CELSR3: variants seen among roughly 807,000 people sequenced by gnomAD.
CELSR3 encodes cadherin EGF LAG seven-pass G-type receptor 3.
Under a neutral mutation model 270.0 loss-of-function variants are expected in CELSR3, and 73 were observed. The ratio of observed to expected loss-of-function variants is 0.27; its 90% CI spans 0.22 to 0.33. The LOEUF (loss-of-function observed/expected upper bound fraction) is 0.33, where lower values mean the gene tolerates loss of function less well. Ranked by LOEUF, CELSR3 falls within the 10% of genes least tolerant of loss-of-function variation. The pLI is 1.00. For missense variants in CELSR3, 3,614 were observed against 4,533.8 expected, an observed-to-expected ratio of 0.80 and a Z score of 5.83; for synonymous variants, 1,780 against 1,905.4, an observed-to-expected ratio of 0.93 and a Z score of 1.71.
In CELSR3 at chr3:48,645,424, C is replaced by T; in HGVS notation, c.7797+19G>A. 6.2e-7 allele frequency: 1 copy of T among 1,612,658 alleles called. No individual in the cohort carries two copies. The highest frequency in any genetic ancestry group is 8.5e-7 in the Non-Finnish European group (1 of 1,179,764). On this transcript the variant is annotated intron_variant, in intron 24 of 34. Transcript: ENST00000164024. This position sits in a 1 kb window ranked among gnomAD's most constrained non-coding sequence, Gnocchi z 5.4. The stretch of plus-strand genomic sequence containing the variant: ...AGTAGGGTCATCAGGACACAAGTTC[C>T]CTGGCCCTGATCCTGCACCTGATTG...
In CELSR3 at chr3:48,645,352, C is replaced by G; in HGVS notation, c.7797+91G>C. On this transcript the variant is annotated intron_variant, in intron 24 of 34. Transcript: ENST00000164024. The surrounding 1 kb of genome is among the most constrained non-coding windows in gnomAD (Gnocchi z 5.4). Reference sequence around the variant, plus strand: ...CTGAAAACCCTGGCCCCAACCTGAGCATCCCTGACCTCTGACCCTGAGTTT... The same window carrying G: ...CTGAAAACCCTGGCCCCAACCTGAGGATCCCTGACCTCTGACCCTGAGTTT... The G allele has an allele frequency of 6.4e-7, 1 of 1,572,450 alleles. No homozygotes were observed. The highest frequency in any genetic ancestry group is 8.7e-7 in the Non-Finnish European group (1 of 1,147,208).
In CELSR3 at chr3:48,639,806, G is replaced by A. The variant is rs931538196; in HGVS notation, c.9779C>T (p.Ser3260Phe). The stretch of plus-strand genomic sequence containing the variant: ...CAAGGGTGTGCTTGAAGATTGCACA[G>A]AGGAGAGGGCCGAGGAGTTGAAAGA... ...LASFNSSALS[S>F]VQSSSTPLGP... The change falls in exon 34 of 35, where the codon TCT (serine) becomes TTT (phenylalanine). Residue 3260 changes from serine to phenylalanine, a missense_variant. Physicochemically the swap from Ser to Phe is radical, Grantham distance 155. Around this residue, in one of 7 missense-constraint regions of CELSR3, gnomAD observed 1,240 missense variants for 1,351.7 expected, o/e 0.92. Coordinates refer to ENST00000164024, the MANE Select transcript of CELSR3 (RefSeq NM_001407.3). This position sits in a 1 kb window ranked among gnomAD's most constrained non-coding sequence, Gnocchi z 4.1. The A allele has an allele frequency of 3.1e-6, 5 of 1,613,854 alleles. No homozygotes were observed. The highest frequency in any genetic ancestry group is 4.2e-6 in the Non-Finnish European group (5 of 1,180,038).
Position 48,637,914 on chromosome 3 carries a change from G to C in CELSR3, c.*291C>G. ...CTATCTCCCTCCCCCTCCCAGCCCA[G>C]CCTCAAACCCCCCAGGAGACAGAAA... On this transcript the variant is annotated 3_prime_UTR_variant, in exon 35 of 35. Coordinates refer to ENST00000164024, the MANE Select transcript of CELSR3 (RefSeq NM_001407.3). 1 of 352,378 alleles carries C rather than the reference G, an allele frequency of 2.8e-6. No individual in the cohort carries two copies. Among genetic ancestry groups the C allele is most frequent in the Non-Finnish European group, 5.3e-6 (1 of 189,802 alleles). 21.8% of individuals were successfully genotyped at this position (352,378 alleles called of 1,614,324 possible). A position where few individuals can be genotyped will look rare whatever the true frequency, so the allele number is the denominator to read the frequency against.
In CELSR3 at chr3:48,654,964, G is replaced by C. The variant is rs1383371054; in HGVS notation, c.4988+80C>G. 1.4e-6 allele frequency: 2 copies of C among 1,381,436 alleles called. No individual in the cohort carries two copies. The highest frequency in any genetic ancestry group is 2.1e-6 in the Non-Finnish European group (2 of 972,344). 85.6% of individuals were successfully genotyped at this position (1,381,436 alleles called of 1,614,324 possible). A position where few individuals can be genotyped will look rare whatever the true frequency, so the allele number is the denominator to read the frequency against. Reference sequence around the variant, plus strand: ...GAAAGATGGGAGAGTTTGGCAGGATGGGATGAGGAATGGGATGTGAAGGGT... The same window carrying C: ...GAAAGATGGGAGAGTTTGGCAGGATCGGATGAGGAATGGGATGTGAAGGGT... On this transcript the variant is annotated intron_variant, in intron 6 of 34. Coordinates refer to ENST00000164024, the MANE Select transcript of CELSR3 (RefSeq NM_001407.3). This position sits in a 1 kb window ranked among gnomAD's most constrained non-coding sequence, Gnocchi z 5.4.
Position 48,653,511 on chromosome 3 carries a change from C to T in CELSR3, c.5448+108G>A. 7.4e-7 allele frequency: 1 copy of T among 1,344,282 alleles called. No individual in the cohort carries two copies. The highest frequency in any genetic ancestry group is 1.0e-6 in the Non-Finnish European group (1 of 962,634). 83.3% of individuals were successfully genotyped at this position (1,344,282 alleles called of 1,614,324 possible). ...AGAGCAGGGTCAAGTGTGGTTGGGA[C>T]ACCTGGCAGAAAAGTATGCTGTGTG... On this transcript the variant is annotated intron_variant, in intron 9 of 34. Transcript: ENST00000164024. The surrounding 1 kb of genome is among the most constrained non-coding windows in gnomAD (Gnocchi z 6.5).
In CELSR3 at chr3:48,661,423, G is replaced by A. The variant is rs746009642; in HGVS notation, c.1212C>T (p.Thr404=). The change falls in exon 1 of 35, where the codon ACC becomes ACT. Residue 404 remains threonine, a synonymous_variant. Coordinates refer to ENST00000164024, the MANE Select transcript of CELSR3 (RefSeq NM_001407.3). ...ESMERHYLRV[T]AQDHGSPRLS... ...GGCGCGGCGACCCGTGGTCCTGCGC[G>A]GTCACACGCAGGTAGTGACGCTCCA... 6.2e-7 allele frequency: 1 copy of A among 1,611,840 alleles called. No homozygotes were observed. The highest frequency in any genetic ancestry group is 1.1e-5 in the South Asian group (1 of 91,028).
intron 20 of CELSR3, 104 bp from the exon 21 acceptor site, chr3:48,647,032 A>G: frequency 8.6e-7 from 1 of 1,166,232 alleles, no homozygotes; most frequent in Non-Finnish European, 1.2e-6. Context: ...TCCCTGCAGG[A>G]GCAGAATTGG....
rs760093611 is a variant in CELSR3 at position 48,648,741 on chromosome 3, G to A, written c.6755C>T (p.Thr2252Ile). The A allele has an allele frequency of 6.2e-7, 1 of 1,612,208 alleles. No individual in the cohort carries two copies. The highest frequency in any genetic ancestry group is 1.1e-5 in the South Asian group (1 of 91,066). The change falls in exon 18 of 35, where the codon ACA (threonine) becomes ATA (isoleucine). Residue 2252 changes from threonine to isoleucine, a missense_variant. By Grantham distance (89) the Thr-to-Ile change is moderately conservative. Around this residue, in one of 7 missense-constraint regions of CELSR3, gnomAD observed 1,331 missense variants for 1,933.7 expected, o/e 0.69. Coordinates refer to ENST00000164024, the MANE Select transcript of CELSR3 (RefSeq NM_001407.3). ...SHQQGFGLTATQDAHFNENLL... is the reference protein window; with the variant it reads ...SHQQGFGLTAIQDAHFNENLL... ...CACCTCATTGAAGTGGGCATCCTGTGTGGCTGTCAGCCCGAAGCCCTGCTG... is the reference window on the plus strand; with the variant it reads ...CACCTCATTGAAGTGGGCATCCTGTATGGCTGTCAGCCCGAAGCCCTGCTG...
chr3:48,662,527 G>A lies in CELSR3; in HGVS notation c.108C>T (p.Gly36=), dbSNP rs1292926570. The stretch of plus-strand genomic sequence containing the variant: ...CTGGGTCCCAGCCCTGGTGCCCACC[G>A]CCCCCCAGCTCCTCCTGGCTGAGGG... ...LFPLSQEELG[G]GGHQGWDPGL... is the part of the protein sequence containing the mutation. The change falls in exon 1 of 35, where the codon GGC becomes GGT. Residue 36 remains glycine (G), a synonymous_variant. Transcript: ENST00000164024. This position sits in a 1 kb window ranked among gnomAD's most constrained non-coding sequence, Gnocchi z 7.1. 6.2e-7 allele frequency: 1 copy of A among 1,606,602 alleles called. No individual in the cohort carries two copies. Among genetic ancestry groups the A allele is most frequent in the East Asian group, 2.2e-5 (1 of 44,784 alleles).
In CELSR3 at chr3:48,661,813, C is replaced by G; in HGVS notation, c.822G>C (p.Lys274Asn). 2 of 1,609,326 alleles carry G rather than the reference C, an allele frequency of 1.2e-6. No homozygotes were observed. Among genetic ancestry groups the G allele is most frequent in the Non-Finnish European group, 1.7e-6 (2 of 1,179,424 alleles). Residue 274 changes from lysine to asparagine, a missense_variant, in exon 1 of 35, where the codon AAG (lysine) becomes AAC (asparagine). Around this residue, in one of 7 missense-constraint regions of CELSR3, gnomAD observed 470 missense variants for 469.7 expected, o/e 1.00. Transcript: ENST00000164024. Reference sequence around the variant, plus strand: ...GGAAGAGACCCCGGGAGCGCATGCGCTTGGGCGCCGGCTCGGGAGCTGTCC... The same window carrying G: ...GGAAGAGACCCCGGGAGCGCATGCGGTTGGGCGCCGGCTCGGGAGCTGTCC... ...ESRTAPEPAPKRMRSRGLFRC... is the reference protein window; with the variant it reads ...ESRTAPEPAPNRMRSRGLFRC...
intron 19 of CELSR3, 28 bp downstream of exon 19, chr3:48,648,238 G>GCCCCCCCCCCCCC: frequency 6.0e-6 from 8 of 1,342,614 alleles, no homozygotes; most frequent in East Asian, 2.3e-5. Context: ...CCCCTGCTGT[G>GCCCCCCCCCCCCC]CCCCGCCCTA....
chr3:48,646,477 C>T lies in CELSR3; in HGVS notation c.7296-220G>A, dbSNP rs1320478840. ...CTGTTTGCCTCTGATTGCCCTCCCT[C>T]CTACCCCCATCAGTCAGCCTGTCCT... On this transcript the variant is annotated intron_variant, in intron 21 of 34. Coordinates refer to ENST00000164024, the MANE Select transcript of CELSR3 (RefSeq NM_001407.3). This position sits in a 1 kb window ranked among gnomAD's most constrained non-coding sequence, Gnocchi z 4.8. Among the ~76,000 whole-genome samples, 1 of 152,230 alleles carries T rather than the reference C, an allele frequency of 6.6e-6. No individual in the cohort carries two copies. Among genetic ancestry groups the T allele is most frequent in the Non-Finnish European group, 1.5e-5 (1 of 68,036 alleles).
At position 48,651,302 on chromosome 3, in the gene CELSR3, G is replaced by C. The variant is rs1260306019; in HGVS notation, c.6186+57C>G. 1.0e-5 allele frequency: 16 copies of C among 1,603,308 alleles called. No individual in the cohort carries two copies. In the South Asian group the frequency reaches 1.4e-4, roughly 14 times the overall value. ...TCAGGTGGCGGAGGTCAGCAAGCTG[G>C]ACAGGAATTGCAGATTGCGTCCAAG... On this transcript the variant is annotated intron_variant, in intron 14 of 34. Transcript: ENST00000164024. The surrounding 1 kb of genome is among the most constrained non-coding windows in gnomAD (Gnocchi z 7.4).
chr3:48,640,678 G>A lies in CELSR3; in HGVS notation c.9026-119C>T. 1.7e-6 allele frequency: 2 copies of A among 1,173,702 alleles called. No homozygotes were observed. Among genetic ancestry groups the A allele is most frequent in the South Asian group, 1.6e-5 (1 of 62,458 alleles). 72.7% of individuals were successfully genotyped at this position (1,173,702 alleles called of 1,614,324 possible). A position where few individuals can be genotyped will look rare whatever the true frequency, so the allele number is the denominator to read the frequency against. ...CCTTCCAACACAGGGATGGGAGCAG[G>A]AACCCCTTGGGGAGCAGCAGAGGCA... On this transcript the variant is annotated intron_variant, in intron 33 of 34. Coordinates refer to ENST00000164024, the MANE Select transcript of CELSR3 (RefSeq NM_001407.3). The surrounding 1 kb of genome is among the most constrained non-coding windows in gnomAD (Gnocchi z 7.5).
At position 48,642,431 on chromosome 3, in the gene CELSR3, G is replaced by C. The variant is rs1444253331; in HGVS notation, c.8592C>G (p.Asp2864Glu). 2.5e-6 allele frequency: 4 copies of C among 1,613,222 alleles called. No homozygotes were observed. Among genetic ancestry groups the C allele is most frequent in the Non-Finnish European group, 3.4e-6 (4 of 1,179,926 alleles). ...GAGCCTGGAGGCTGTGGTCAGTGTG[G>C]TCAGCGGCTGAGCCATGTCGAACCA... ...NVLVRHGSAADHTDHSLQAHA... is the reference protein window; with the variant it reads ...NVLVRHGSAAEHTDHSLQAHA... Residue 2864 changes from aspartate (D) to glutamate (E), a missense_variant, in exon 31 of 35, where the codon GAC becomes GAG. Coordinates refer to ENST00000164024, the MANE Select transcript of CELSR3 (RefSeq NM_001407.3). This position sits in a 1 kb window ranked among gnomAD's most constrained non-coding sequence, Gnocchi z 6.1.
Position 48,646,313 on chromosome 3 carries a change from C to A in CELSR3, c.7296-56G>T. The A allele has an allele frequency of 6.5e-7, 1 of 1,537,124 alleles. No homozygotes were observed. The highest frequency in any genetic ancestry group is 8.8e-7 in the Non-Finnish European group (1 of 1,133,640). ...TGCTGACCTCCCCATGCTCAGCCTG[C>A]TTGCCTCACCCCGTCTTCATGCCAC... On this transcript the variant is annotated intron_variant, in intron 21 of 34. Coordinates refer to ENST00000164024, the MANE Select transcript of CELSR3 (RefSeq NM_001407.3). The surrounding 1 kb of genome is among the most constrained non-coding windows in gnomAD (Gnocchi z 4.8).
In CELSR3 at chr3:48,659,158, C is replaced by G; in HGVS notation, c.3477G>C (p.Leu1159=). 1 of 1,614,196 alleles carries G rather than the reference C, an allele frequency of 6.2e-7. No individual in the cohort carries two copies. The highest frequency in any genetic ancestry group is 8.5e-7 in the Non-Finnish European group (1 of 1,180,028). The change falls in exon 1 of 35, where the codon CTG becomes CTC. Residue 1159 remains leucine, a synonymous_variant. Transcript: ENST00000164024. The surrounding 1 kb of genome is among the most constrained non-coding windows in gnomAD (Gnocchi z 8.1). ...LVSRATVHVR[L]VDQNDNSPVL... ...CAGGGCTGTTGTCATTCTGGTCAAC[C>G]AGGCGGACGTGCACAGTGGCCCGGC...
chr3:48,645,447 T>C lies in CELSR3; in HGVS notation c.7793A>G (p.Asn2598Ser), dbSNP rs1575539915. Residue 2598 changes from asparagine (N) to serine (S), a missense_variant, in exon 24 of 35, where the codon AAT becomes AGT. Physicochemically the swap from Asn to Ser is conservative, Grantham distance 46 (BLOSUM62 1). Coordinates refer to ENST00000164024, the MANE Select transcript of CELSR3 (RefSeq NM_001407.3). This position sits in a 1 kb window ranked among gnomAD's most constrained non-coding sequence, Gnocchi z 5.4. Reference sequence around the variant, plus strand: ...TCCCTGGCCCTGATCCTGCACCTGATTGTGGGTCCTGTGAATCCCCAGCAG... The same window carrying C: ...TCCCTGGCCCTGATCCTGCACCTGACTGTGGGTCCTGTGAATCCCCAGCAG... ...LFLLGIHRTHNQLVCTAVAIL... is the reference protein window; with the variant it reads ...LFLLGIHRTHSQLVCTAVAIL... 5 of 1,612,770 alleles carry C rather than the reference T, an allele frequency of 3.1e-6. No homozygotes were observed. The highest frequency in any genetic ancestry group is 3.3e-5 in the Admixed American group (2 of 60,004).
chr3:48,662,199 C>T lies in CELSR3; in HGVS notation c.436G>A (p.Gly146Arg), dbSNP rs147052914. 227 of 1,612,914 alleles carry T rather than the reference C, an allele frequency of 1.4e-4. No homozygotes were observed. The highest frequency in any genetic ancestry group is 1.9e-4 in the Non-Finnish European group (222 of 1,179,756). The change falls in exon 1 of 35, where the codon GGA becomes AGA. Residue 146 changes from glycine (G) to arginine (R), a missense_variant. By Grantham distance (125) the Gly-to-Arg change is moderately radical. Coordinates refer to ENST00000164024, the MANE Select transcript of CELSR3 (RefSeq NM_001407.3). This position sits in a 1 kb window ranked among gnomAD's most constrained non-coding sequence, Gnocchi z 7.1. ...RPEVSSCGRT[G>R]PLQRGSLSPG... ...GACAGACTACCTCTTTGCAAAGGTC[C>T]TGTCCGCCCGCAAGAGGAGACCTCT...
Sources: allele counts gnomAD v4.1 joint callset (sites outside exome capture counted in the v4.1 genomes callset), GRCh38; gene constraint gnomAD v4.1.1; regional missense constraint gnomAD v4.1.1; non-coding constraint Gnocchi (gnomAD v3.1); transcripts MANE v1.5; gene names NCBI Gene and HGNC (gene_info 2026-07-23, HGNC 2026-07-21).